ACVR2A: variants seen among roughly 807,000 people sequenced by gnomAD.
ACVR2A encodes activin receptor type-2A.
ACVR2A carries 7 observed loss-of-function variants against 61.4 expected under a neutral mutation model. The ratio of observed to expected loss-of-function variants is 0.11; its 90% CI spans 0.06 to 0.21. The LOEUF is 0.21. Ranked by LOEUF, ACVR2A falls within the 10% of genes least tolerant of loss-of-function variation. ACVR2A has a pLI of 1.00. For synonymous variants in ACVR2A, 193 were observed against 208.3 expected, an observed-to-expected ratio of 0.93 and a Z score of 0.63; for missense variants, 322 against 621.7, an observed-to-expected ratio of 0.52 and a Z score of 5.13.
intron 10 of ACVR2A, among the ~76,000 whole-genome samples, 157 bp downstream of exon 10, chr2:147,926,318 T>C (rs1422202894): frequency 2.0e-5 from 3 of 151,964 alleles, no homozygotes; most frequent in African/African-American, 7.2e-5. Flanking sequence ...ATTAGGGCTA[T>C]GTCTGTATAC....
At chr2:147,920,638 G>A (rs111712953) in intron 8 of ACVR2A, among the ~76,000 whole-genome samples, 5,442 of 152,198 alleles carry the variant, frequency 0.036, 122 homozygotes, top group Middle Eastern at 0.088. Context: ...GGAATTCTTC[G>A]TATGAACTCC....
chr2:147,863,211 C>T (rs1318117880), intron 1 of ACVR2A, among the ~76,000 whole-genome samples: 1 of 152,166 alleles, frequency 6.6e-6, no homozygotes, highest in Non-Finnish European at 1.5e-5. Context: ...GTTCTCTATC[C>T]TGCTCAAGTT....
chr2:147,893,255 T>C (rs1686634633), intron 1 of ACVR2A, among the ~76,000 whole-genome samples: 1 of 152,220 alleles, frequency 6.6e-6, no homozygotes. Context: ...TTTTTTATTG[T>C]ATGGATATTT....
intron 1 of ACVR2A, among the ~76,000 whole-genome samples, chr2:147,885,131 G>A (rs181186465): frequency 6.6e-6 from 1 of 152,060 alleles, no homozygotes; most frequent in East Asian, 1.9e-4. Context: ...TTGATTTAGT[G>A]CAAATGTAAC....
chr2:147,858,917 T>A (rs899253338), intron 1 of ACVR2A, among the ~76,000 whole-genome samples: 3 of 152,144 alleles, frequency 2.0e-5, no homozygotes, highest in African/African-American at 7.2e-5. Context: ...CATTTAAAAA[T>A]GTAAAAACCA....
chr2:147,903,723 A>G (rs192322499), intron 4 of ACVR2A, among the ~76,000 whole-genome samples: 5 of 152,048 alleles, frequency 3.3e-5, no homozygotes, highest in African/African-American at 1.2e-4. Context: ...GATTTGAGAA[A>G]ATAGTGCTTG....
At chr2:147,877,603 C>A (rs1045278233) in intron 1 of ACVR2A, 1 of 152,062 alleles carries the variant, frequency 6.6e-6, no homozygotes, top group South Asian at 2.1e-4. Flanking sequence ...GTTTATTATT[C>A]TTTAGTTCTA....
intron 10 of ACVR2A, 102 bp downstream of exon 10, chr2:147,926,263 G>A: frequency 7.0e-7 from 1 of 1,420,216 alleles, no homozygotes; most frequent in South Asian, 1.4e-5. Flanking sequence ...AGTATTTTCT[G>A]GAAGGTGATC....
At chr2:147,917,834 A>T (rs1687284892) in intron 6 of ACVR2A, among the ~76,000 whole-genome samples, 1 of 151,860 alleles carries the variant, frequency 6.6e-6, no homozygotes, top group South Asian at 2.1e-4. Context: ...CTGATCTTTG[A>T]TCTGTCACTA....
intron 4 of ACVR2A, among the ~76,000 whole-genome samples, chr2:147,904,336 G>A (rs1460522954): frequency 2.6e-5 from 4 of 151,892 alleles, no homozygotes; most frequent in Non-Finnish European, 5.9e-5. Context: ...GTAAAATGGC[G>A]CCGCTTTCAT....
rs745322038 is a variant in ACVR2A at position 147,927,169 on chromosome 2, T to C, written c.1437T>C (p.Ile479=). 6.2e-6 allele frequency: 10 copies of C among 1,612,140 alleles called. No homozygotes were observed. In the African/African-American group the frequency reaches 1.3e-4, roughly 22 times the overall value. The part of the protein sequence containing the change: ...RLSAGCVGER[I]TQMQRLTNII... ...CAGCTGGATGTGTAGGTGAAAGAATTACCCAGATGCAGAGACTAACAAATA... is the reference window on the plus strand; with the variant it reads ...CAGCTGGATGTGTAGGTGAAAGAATCACCCAGATGCAGAGACTAACAAATA... Residue 479 remains isoleucine, a synonymous_variant, in exon 11 of 11, where the codon ATT becomes ATC. Transcript: ENST00000241416.
At chr2:147,862,601 G>A (rs1012756423) in intron 1 of ACVR2A, among the ~76,000 whole-genome samples, 4 of 151,922 alleles carry the variant, frequency 2.6e-5, no homozygotes, top group Non-Finnish European at 2.9e-5. Context: ...AAAATTAGCC[G>A]GGTGTGGTAG....
At chr2:147,878,432 AT>A (rs1223901293) in intron 1 of ACVR2A, among the ~76,000 whole-genome samples, 2 of 151,168 alleles carry the variant, frequency 1.3e-5, no homozygotes, top group Non-Finnish European at 3.0e-5. Context: ...ACTTTTACAA[AT>A]AAGACTTTTA....
chr2:147,876,917 G>A (rs899001961), intron 1 of ACVR2A, among the ~76,000 whole-genome samples: 1 of 152,082 alleles, frequency 6.6e-6, no homozygotes, highest in African/African-American at 2.4e-5. Flanking sequence ...TCTTCTATAT[G>A]TTGCTCCTGT....
chr2:147,888,399 C>T (rs1008995864), intron 1 of ACVR2A, among the ~76,000 whole-genome samples: 3 of 152,148 alleles, frequency 2.0e-5, no homozygotes, highest in Admixed American at 6.5e-5. Context: ...TTCAATCTTC[C>T]AATCCATGAA....
intron 1 of ACVR2A, among the ~76,000 whole-genome samples, chr2:147,892,099 G>A (rs575795854): frequency 1.6e-3 from 249 of 152,148 alleles, no homozygotes; most frequent in African/African-American, 5.6e-3. Context: ...AGCCTCCTGA[G>A]TAGCTGGGAT....
At chr2:147,910,964 C>G (rs1687097481) in intron 4 of ACVR2A, among the ~76,000 whole-genome samples, 1 of 152,148 alleles carries the variant, frequency 6.6e-6, no homozygotes, top group African/African-American at 2.4e-5. Flanking sequence ...AAACATTTTT[C>G]TGTCTCACCA....
chr2:147,854,361 A>G (rs1685518671), intron 1 of ACVR2A, among the ~76,000 whole-genome samples: 1 of 152,212 alleles, frequency 6.6e-6, no homozygotes, highest in African/African-American at 2.4e-5. Context: ...AACTTCTCTT[A>G]AACTTTTTAA....
Position 147,857,918 on chromosome 2 carries a change from T to G in ACVR2A, c.55+12711T>G, listed in dbSNP as rs181217370. ...CATGGGGGTTTGTTTTATGGATTATTTTATCACCCAGGTATTAAGCCTAGT... is the reference window on the plus strand; with the variant it reads ...CATGGGGGTTTGTTTTATGGATTATGTTATCACCCAGGTATTAAGCCTAGT... On this transcript the variant is annotated intron_variant, in intron 1 of 10. Coordinates refer to ENST00000241416, the MANE Select transcript of ACVR2A (RefSeq NM_001616.5). Among the ~76,000 whole-genome samples, 8 of 152,260 alleles carry G rather than the reference T, an allele frequency of 5.3e-5. No individual in the cohort carries two copies. The South Asian group carries it at 1.7e-3, about 32-fold the overall frequency.
Sources: allele counts gnomAD v4.1 joint callset (sites outside exome capture counted in the v4.1 genomes callset), GRCh38; gene constraint gnomAD v4.1.1; transcripts MANE v1.5; gene names NCBI Gene and HGNC (gene_info 2026-07-23, HGNC 2026-07-21).